RGS6: variants seen among roughly 807,000 people sequenced by gnomAD.
RGS6 encodes regulator of G protein signaling 6, also known as regulator of G-protein signaling 6.
In RGS6, 30 loss-of-function variants were observed where a neutral mutation model predicts 78.5. That is an observed-to-expected ratio of 0.38 (90% CI 0.29 to 0.52). The LOEUF is 0.52. Ranked by LOEUF, RGS6 falls within the 20% of genes least tolerant of loss-of-function variation. The pLI is 0.85. For missense variants in RGS6, 495 were observed against 609.7 expected (o/e 0.81, Z 1.98); for synonymous variants, 206 against 206.0 (o/e 1.00, Z 0.00).
intron 14 of RGS6, among the ~76,000 whole-genome samples, chr14:72,517,464 G>A (rs1280732399): frequency 1.4e-5 from 2 of 147,044 alleles, no homozygotes; most frequent in Non-Finnish European, 3.0e-5. Context: ...GCTGCTCTCA[G>A]CAGAAAAGAG....
chr14:72,223,957 C>T (rs140036085), intron 2 of RGS6, among the ~76,000 whole-genome samples: 1 of 152,338 alleles, frequency 6.6e-6, no homozygotes, highest in African/African-American at 2.4e-5. Context: ...CTGCAGGAGA[C>T]ACCTGAGAGC....
the RGS6 span, among the ~76,000 whole-genome samples, chr14:72,615,347 G>T: frequency 6.6e-6 from 1 of 152,162 alleles, no homozygotes; most frequent in African/African-American, 2.4e-5. Context: ...CGGCATAAAA[G>T]AGCACAGGTC....
chr14:72,217,377 T>C (rs929468607), intron 2 of RGS6, among the ~76,000 whole-genome samples: 1 of 152,142 alleles, frequency 6.6e-6, no homozygotes, highest in Non-Finnish European at 1.5e-5. Context: ...GATGATGTCA[T>C]CACAGAGCTG....
At chr14:72,569,277 T>C (rs1382647140), downstream of RGS6, among the ~76,000 whole-genome samples, 1 of 152,206 alleles carries the variant, frequency 6.6e-6, no homozygotes, top group Non-Finnish European at 1.5e-5. Flanking sequence ...AATAATTTCA[T>C]ACCCCAAAAC....
chr14:72,557,987 C>CTAAT (rs1255242864), intron 17 of RGS6, among the ~76,000 whole-genome samples: 1 of 151,886 alleles, frequency 6.6e-6, no homozygotes, highest in African/African-American at 2.4e-5. Flanking sequence ...TTTTTTTGTC[C>CTAAT]TAATTTTTTT....
the RGS6 span, among the ~76,000 whole-genome samples, chr14:72,586,477 G>A: frequency 5.9e-5 from 9 of 152,282 alleles, no homozygotes; most frequent in African/African-American, 2.2e-4. Flanking sequence ...CTGGTGTCAT[G>A]CTTCTTGTAC....
At chr14:72,054,496 T>C (rs1026182663) in intron 2 of RGS6, among the ~76,000 whole-genome samples, 4 of 152,204 alleles carry the variant, frequency 2.6e-5, no homozygotes, top group African/African-American at 9.7e-5. Context: ...TGAACGTCCC[T>C]TGAATTTTTT....
At chr14:72,224,383 C>T (rs2047600338) in intron 2 of RGS6, among the ~76,000 whole-genome samples, 1 of 151,760 alleles carries the variant, frequency 6.6e-6, no homozygotes, top group Non-Finnish European at 1.5e-5. Context: ...TGCTGTTGCA[C>T]TCCAGCCTGG....
intron 3 of RGS6, among the ~76,000 whole-genome samples, chr14:72,440,431 T>A: frequency 6.6e-6 from 1 of 151,200 alleles, no homozygotes; most frequent in Non-Finnish European, 1.5e-5. Flanking sequence ...TTTTTTTTTT[T>A]TGAGATGGAG....
At chr14:72,303,718 A>G (rs1002610545) in intron 2 of RGS6, among the ~76,000 whole-genome samples, 3 of 152,082 alleles carry the variant, frequency 2.0e-5, no homozygotes, top group African/African-American at 7.2e-5. Flanking sequence ...ATAAAAATCT[A>G]TTATTTGTTT....
intron 2 of RGS6, among the ~76,000 whole-genome samples, chr14:72,255,163 G>A (rs935086729): frequency 2.6e-5 from 4 of 152,140 alleles, no homozygotes; most frequent in African/African-American, 9.7e-5. Flanking sequence ...GAAAGGCAGG[G>A]TATGCAGGTT....
At chr14:71,909,619 A>G in the RGS6 span, among the ~76,000 whole-genome samples, 3 of 40,382 alleles carry the variant, frequency 7.4e-5, no homozygotes, top group Non-Finnish European at 1.8e-4. Context: ...AAGGAGAGAG[A>G]GGGGGGAAAG....
At chr14:72,312,514 G>C (rs1006277512) in intron 2 of RGS6, among the ~76,000 whole-genome samples, 3 of 152,094 alleles carry the variant, frequency 2.0e-5, no homozygotes, top group Admixed American at 2.0e-4. Flanking sequence ...CACTAATTTC[G>C]TGTGTTTCCT....
chr14:72,082,478 T>C (rs2094865151), intron 2 of RGS6, among the ~76,000 whole-genome samples: 1 of 152,154 alleles, frequency 6.6e-6, no homozygotes, highest in Admixed American at 6.5e-5. Flanking sequence ...GAGTTTTGTA[T>C]GTTGATTTTG....
chr14:72,617,714 C>T, the RGS6 span, among the ~76,000 whole-genome samples: 4 of 152,180 alleles, frequency 2.6e-5, no homozygotes, highest in East Asian at 5.8e-4. Context: ...GAGAGGAGCA[C>T]TCCTGCCGAG....
At chr14:72,187,823 TCTTCGTAACGGCAAAATCAATGCTCA>T (rs762852822) in intron 2 of RGS6, among the ~76,000 whole-genome samples, 28 of 152,318 alleles carry the variant, frequency 1.8e-4, no homozygotes, top group Middle Eastern at 3.4e-3. Context: ...TGCTAAAATG[TCTTCGTAACGGCAAAATCAATGCTCA>T]CTGTGCTTTT....
At chr14:72,333,437 C>A (rs555763000) in intron 2 of RGS6, among the ~76,000 whole-genome samples, 1 of 152,302 alleles carries the variant, frequency 6.6e-6, no homozygotes, top group South Asian at 2.1e-4. Context: ...GTGGCCTCCC[C>A]ATTCGATGGA....
At chr14:72,186,599 C>T (rs1341781043) in intron 2 of RGS6, among the ~76,000 whole-genome samples, 9 of 152,120 alleles carry the variant, frequency 5.9e-5, no homozygotes, top group Admixed American at 5.2e-4. Flanking sequence ...AGATGACTGA[C>T]GCCTTTTACT....
chr14:71,956,027 T>G (rs931819244), intron 1 of RGS6, among the ~76,000 whole-genome samples: 2 of 152,166 alleles, frequency 1.3e-5, no homozygotes, highest in African/African-American at 4.8e-5. Flanking sequence ...TAAGACTATG[T>G]GTTAAATATG....
Sources: gnomAD v4.1 joint callset for allele counts (sites outside exome capture counted in the v4.1 genomes callset) on GRCh38, gnomAD v4.1.1 for gene constraint, MANE v1.5 for transcripts, NCBI Gene and HGNC (gene_info 2026-07-23, HGNC 2026-07-21) for gene names.